ADGRA3: variants seen among roughly 807,000 people sequenced by gnomAD.
ADGRA3 encodes the protein adhesion G protein-coupled receptor A3.
In ADGRA3, 56 loss-of-function variants were observed where a neutral mutation model predicts 119.8. The ratio of observed to expected loss-of-function variants is 0.47; its 90% CI spans 0.38 to 0.58. The LOEUF (loss-of-function observed/expected upper bound fraction) is 0.58, where lower values mean the gene tolerates loss of function less well. Ranked by LOEUF, ADGRA3 falls within the 20% of genes least tolerant of loss-of-function variation. The pLI is 0.00. For missense variants in ADGRA3, 1,516 were observed against 1,649.0 expected, an observed-to-expected ratio of 0.92 and a Z score of 1.40; for synonymous variants, 607 against 623.8, an observed-to-expected ratio of 0.97 and a Z score of 0.40.
rs762880375 is a variant in ADGRA3 at position 22,413,746 on chromosome 4, G to A, written c.1878C>T (p.Leu626=). The A allele has an allele frequency of 6.2e-7, 1 of 1,613,846 alleles. No individual in the cohort carries two copies. Among genetic ancestry groups the A allele is most frequent in the South Asian group, 1.1e-5 (1 of 91,076 alleles). ...SLFSPKQKRE[L]RPTDDSLYKL... Reference sequence around the variant, plus strand: ...TGTAAAGAGAGTCATCAGTTGGTCTGAGTTCTCTTTTTTGCTTTGGTGAGA... The same window carrying A: ...TGTAAAGAGAGTCATCAGTTGGTCTAAGTTCTCTTTTTTGCTTTGGTGAGA... Residue 626 remains leucine (L), a synonymous_variant, in exon 13 of 19, where the codon CTC becomes CTT. Coordinates refer to ENST00000334304, the MANE Select transcript of ADGRA3 (RefSeq NM_145290.4).
intron 3 of ADGRA3, among the ~76,000 whole-genome samples, chr4:22,459,160 T>C (rs1330008636): frequency 2.6e-5 from 4 of 151,980 alleles, no homozygotes; most frequent in African/African-American, 7.2e-5. Flanking sequence ...TAAAAAAAAA[T>C]CTTTTGCAAA....
chr4:22,509,023 G>T (rs1719341397), intron 1 of ADGRA3, among the ~76,000 whole-genome samples: 1 of 152,046 alleles, frequency 6.6e-6, no homozygotes, highest in Non-Finnish European at 1.5e-5. Context: ...CCAAGACAAG[G>T]TATTGTGCTG....
At chr4:22,425,059 A>C (rs1003685664) in intron 10 of ADGRA3, among the ~76,000 whole-genome samples, 1 of 150,514 alleles carries the variant, frequency 6.6e-6, no homozygotes, top group Non-Finnish European at 1.5e-5. Flanking sequence ...TGGACAACAG[A>C]GTGAGACACT....
At chr4:22,452,459 T>C (rs1218308444) in intron 4 of ADGRA3, among the ~76,000 whole-genome samples, 1 of 152,160 alleles carries the variant, frequency 6.6e-6, no homozygotes, top group African/African-American at 2.4e-5. Context: ...AACTATAAGA[T>C]CATCTCAATC....
chr4:22,504,009 C>T (rs1719146846), intron 1 of ADGRA3, among the ~76,000 whole-genome samples: 1 of 152,136 alleles, frequency 6.6e-6, no homozygotes, highest in African/African-American at 2.4e-5. Flanking sequence ...ATGCTTATCA[C>T]AGCCCTGTCT....
chr4:22,411,075 A>G (rs1356645002), intron 14 of ADGRA3, among the ~76,000 whole-genome samples: 2 of 147,686 alleles, frequency 1.4e-5, no homozygotes. Context: ...AGACTAAATA[A>G]AAATAAAAGT....
chr4:22,506,865 A>T (rs1243649755), intron 1 of ADGRA3, among the ~76,000 whole-genome samples: 3 of 152,202 alleles, frequency 2.0e-5, no homozygotes, highest in Non-Finnish European at 4.4e-5. Context: ...CATTAAAATT[A>T]TATTGTTTTA....
chr4:22,475,973 T>C (rs1304330477), intron 1 of ADGRA3, among the ~76,000 whole-genome samples: 2 of 152,138 alleles, frequency 1.3e-5, no homozygotes, highest in Non-Finnish European at 2.9e-5. Context: ...CAGATGTATC[T>C]TACAATCCAA....
chr4:22,514,350 A>C (rs1012556186), intron 1 of ADGRA3: 11 of 152,202 alleles, frequency 7.2e-5, no homozygotes, highest in Admixed American at 6.5e-4. Context: ...ATCCATCTTC[A>C]TGCCTCCATA....
At chr4:22,412,641 G>A (rs1715253767) in intron 14 of ADGRA3, among the ~76,000 whole-genome samples, 1 of 152,042 alleles carries the variant, frequency 6.6e-6, no homozygotes, top group South Asian at 2.1e-4. Context: ...GTTAACAACG[G>A]CAAATAACAG....
Position 22,445,025 on chromosome 4 carries a change from C to CTT in ADGRA3, c.652_653dup (p.Leu220HisfsTer10), listed in dbSNP as rs1451996373. The CTT allele has an allele frequency of 6.2e-7, 1 of 1,613,772 alleles. No homozygotes were observed. Among genetic ancestry groups the CTT allele is most frequent in the African/African-American group, 1.3e-5 (1 of 74,896 alleles). On this transcript the variant is annotated frameshift_variant, in exon 6 of 19. Coordinates refer to ENST00000334304, the MANE Select transcript of ADGRA3 (RefSeq NM_145290.4). LOFTEE classifies it high-confidence loss of function. ...CTGTGACTGGTTGGGCCTGCAGTGA[C>CTT]TTAGGATAAACACACCTGGTATCCC...
chr4:22,400,252 T>C (rs538358254), intron 16 of ADGRA3, among the ~76,000 whole-genome samples: 1 of 152,254 alleles, frequency 6.6e-6, no homozygotes, highest in South Asian at 2.1e-4. Flanking sequence ...ACTCTTGTGT[T>C]CCCTGAAGCA....
chr4:22,395,546 A>G (rs541634622), intron 16 of ADGRA3, among the ~76,000 whole-genome samples: 1 of 152,330 alleles, frequency 6.6e-6, no homozygotes, highest in South Asian at 2.1e-4. Context: ...GAAGTCACCC[A>G]CTAGAGATTA....
intron 6 of ADGRA3, 151 bp from the exon 7 acceptor site, chr4:22,443,014 T>A: frequency 2.9e-6 from 2 of 695,748 alleles, no homozygotes; most frequent in Non-Finnish European, 5.1e-6. Flanking sequence ...ACCAGGCTGC[T>A]ACTGAGTTTA....
chr4:22,410,069 T>C (rs1355262910), intron 14 of ADGRA3, among the ~76,000 whole-genome samples: 1 of 152,156 alleles, frequency 6.6e-6, no homozygotes, highest in African/African-American at 2.4e-5. Flanking sequence ...TTTTAATCTA[T>C]AAAATGACAT....
At chr4:22,414,527 T>G (rs1382160185) in intron 12 of ADGRA3, 3 of 660,718 alleles carry the variant, frequency 4.5e-6, no homozygotes, top group Non-Finnish European at 5.4e-6. Context: ...AAACATTCCA[T>G]AGTTGAAGAA....
chr4:22,466,560 C>G (rs192953684), intron 2 of ADGRA3, among the ~76,000 whole-genome samples: 62 of 152,288 alleles, frequency 4.1e-4, no homozygotes, highest in African/African-American at 1.4e-3. Context: ...AACCCCGTCT[C>G]TACTAAAAAT....
intron 1 of ADGRA3, among the ~76,000 whole-genome samples, chr4:22,479,591 T>C (rs1718182422): frequency 6.6e-6 from 1 of 152,166 alleles, no homozygotes; most frequent in Admixed American, 6.5e-5. Flanking sequence ...AGCATGGCGA[T>C]TCCTCAAGGA....
chr4:22,400,882 C>A (rs991461322), intron 16 of ADGRA3, among the ~76,000 whole-genome samples: 11 of 151,962 alleles, frequency 7.2e-5, no homozygotes, highest in African/African-American at 2.7e-4. Context: ...TAAAATGTTA[C>A]GTATTTTCTA....
Sources: allele counts gnomAD v4.1 joint callset (sites outside exome capture counted in the v4.1 genomes callset), GRCh38; gene constraint gnomAD v4.1.1; transcripts MANE v1.5; gene names NCBI Gene and HGNC (gene_info 2026-07-23, HGNC 2026-07-21).